SEMA5A: variants seen among roughly 807,000 people sequenced by gnomAD.
The protein encoded by SEMA5A is semaphorin-5A.
A neutral mutation model predicts 135.5 loss-of-function variants in SEMA5A; 55 were observed. That is an observed-to-expected ratio of 0.41 (90% confidence interval 0.33 to 0.51). The LOEUF (loss-of-function observed/expected upper bound fraction) is 0.51, where lower values mean the gene tolerates loss of function less well. Among genes scored for constraint, SEMA5A ranks in the 20% least tolerant of loss-of-function variants. SEMA5A has a pLI of 0.37. For missense variants in SEMA5A, 1,290 were observed against 1,419.9 expected (o/e 0.91, Z 1.47); for synonymous variants, 580 against 546.5 (o/e 1.06, Z -0.85).
rs1300063501 is a variant in SEMA5A at position 9,041,251 on chromosome 5, A to AGAT, written c.*1643_*1645dup. Reference sequence around the variant, plus strand: ...AATTGTTTCTTTAAATTAGAAACAAAGATAAGGGTAAAATCACATATGCTA... The same window carrying AGAT: ...AATTGTTTCTTTAAATTAGAAACAAAGATGATAAGGGTAAAATCACATATGCTA... On this transcript the variant is annotated 3_prime_UTR_variant, in exon 23 of 23. Transcript: ENST00000382496. 2 of 152,188 alleles carry AGAT rather than the reference A, an allele frequency of 1.3e-5. No individual in the cohort carries two copies. Among genetic ancestry groups the AGAT allele is most frequent in the African/African-American group, 4.8e-5 (2 of 41,410 alleles). 9.4% of individuals were successfully genotyped at this position (152,188 alleles called of 1,614,324 possible). A position where few individuals can be genotyped will look rare whatever the true frequency, so the allele number is the denominator to read the frequency against.
At chr5:9,044,748 C>T (rs545523901) in intron 21 of SEMA5A, among the ~76,000 whole-genome samples, 164 bp from the exon 22 acceptor site, 1 of 152,054 alleles carries the variant, frequency 6.6e-6, no homozygotes, top group Non-Finnish European at 1.5e-5. Context: ...AATGTCATGG[C>T]CATCAAGAAA....
At chr5:9,044,674 A>C in intron 21 of SEMA5A, 90 bp from the exon 22 acceptor site, 2 of 1,105,528 alleles carry the variant, frequency 1.8e-6, no homozygotes, top group Non-Finnish European at 2.7e-6. Flanking sequence ...GAAAGTCAAA[A>C]TGAAAAGCTT....
At chr5:9,236,809 T>C (rs1747938512) in intron 6 of SEMA5A, among the ~76,000 whole-genome samples, 1 of 152,130 alleles carries the variant, frequency 6.6e-6, no homozygotes, top group Non-Finnish European at 1.5e-5. Flanking sequence ...TCCTACTCCT[T>C]TATTCAGGGT....
chr5:9,381,942 T>TTGTGTGTGTG (rs148157627), intron 2 of SEMA5A, among the ~76,000 whole-genome samples: 13,785 of 108,382 alleles, frequency 0.13, 927 homozygotes, highest in Middle Eastern at 0.18. Flanking sequence ...TAGAATCATT[T>TTGTGTGTGTG]TGTGTGTGTG....
intron 16 of SEMA5A, among the ~76,000 whole-genome samples, chr5:9,085,419 C>T (rs982453849): frequency 1.3e-5 from 2 of 152,118 alleles, no homozygotes; most frequent in African/African-American, 4.8e-5. Flanking sequence ...TGTGTGCAGC[C>T]TAAGGACTCG....
chr5:9,154,091 A>ATGTGTGTGTGTGTG (rs1314653012), intron 12 of SEMA5A, among the ~76,000 whole-genome samples: 1 of 80,172 alleles, frequency 1.2e-5, no homozygotes, highest in African/African-American at 5.1e-5. Flanking sequence ...ATATATATAT[A>ATGTGTGTGTGTGTG]TATGTGTGTG....
intron 2 of SEMA5A, among the ~76,000 whole-genome samples, chr5:9,413,161 G>A (rs2126609511): frequency 6.6e-6 from 1 of 152,240 alleles, no homozygotes; most frequent in Admixed American, 6.5e-5. Flanking sequence ...AGGTCCTCAG[G>A]AAAACTGGAA....
intron 3 of SEMA5A, among the ~76,000 whole-genome samples, chr5:9,372,370 C>T (rs575045453): frequency 1.5e-4 from 23 of 152,126 alleles, no homozygotes; most frequent in South Asian, 2.1e-4. Context: ...GTGGGACACG[C>T]GTGGAGCCAT....
chr5:9,127,968 A>T (rs899565969), intron 13 of SEMA5A, among the ~76,000 whole-genome samples: 2 of 152,226 alleles, frequency 1.3e-5, no homozygotes, highest in Admixed American at 1.3e-4. Context: ...AATCACTCAG[A>T]GTTCCAGTCC....
Position 9,204,905 on chromosome 5 carries a change from T to C in SEMA5A, c.647-2665A>G, listed in dbSNP as rs1472763806. ...TACTGTGAACTGTGCATGTGAGGGA[T>C]CTAAGTTGTACACATCTTATGAGAA... On this transcript the variant is annotated intron_variant, in intron 8 of 22. Transcript: ENST00000382496. The surrounding 1 kb of genome is among the most constrained non-coding windows in gnomAD (Gnocchi z 6.4). 6.6e-6 allele frequency among the ~76,000 whole-genome samples: 1 copy of C among 152,156 alleles called. No homozygotes were observed. Among genetic ancestry groups the C allele is most frequent in the Non-Finnish European group, 1.5e-5 (1 of 68,028 alleles).
chr5:9,476,960 T>A (rs989594804), intron 1 of SEMA5A, among the ~76,000 whole-genome samples: 15 of 151,968 alleles, frequency 9.9e-5, no homozygotes, highest in Non-Finnish European at 1.6e-4. Context: ...ATGATTTGGC[T>A]CTGTATCCCT....
intron 5 of SEMA5A, among the ~76,000 whole-genome samples, chr5:9,295,217 G>A (rs527671823): frequency 6.6e-6 from 1 of 152,060 alleles, no homozygotes; most frequent in African/African-American, 2.4e-5. Flanking sequence ...AAGGATTTGG[G>A]GATTTCCATT....
chr5:9,438,069 A>C (rs1013040114), intron 1 of SEMA5A, among the ~76,000 whole-genome samples: 3 of 152,230 alleles, frequency 2.0e-5, no homozygotes, highest in Non-Finnish European at 4.4e-5. Context: ...TTTCTTCAGA[A>C]AAGGAGAAAT....
rs138116596 is a variant in SEMA5A, at chr5:9,153,145, C to G, written c.1481+1343G>C. 3.4e-3 allele frequency among the ~76,000 whole-genome samples: 518 copies of G among 151,656 alleles called. 4 individuals are homozygous for G. Among genetic ancestry groups the G allele is most frequent in the African/African-American group, 0.012 (480 of 41,294 alleles). Reference sequence around the variant, plus strand: ...GAGTTCCAAAGCCAGTGTAACTTGGCACCTTGTTTAGAGAGAGAGTGGCCT... The same window carrying G: ...GAGTTCCAAAGCCAGTGTAACTTGGGACCTTGTTTAGAGAGAGAGTGGCCT... On this transcript the variant is annotated intron_variant, in intron 12 of 22. Transcript: ENST00000382496.
intron 1 of SEMA5A, among the ~76,000 whole-genome samples, chr5:9,524,207 A>G (rs1736995370): frequency 6.6e-6 from 1 of 152,198 alleles, no homozygotes; most frequent in African/African-American, 2.4e-5. Flanking sequence ...ACCTTCTGCC[A>G]TGACTGTAAG....
chr5:9,246,022 A>G (rs1330336928), intron 5 of SEMA5A, among the ~76,000 whole-genome samples: 1 of 152,194 alleles, frequency 6.6e-6, no homozygotes, highest in Admixed American at 6.6e-5. Flanking sequence ...CAAGGACATT[A>G]TAATATCTGG....
chr5:9,399,540 C>G (rs1477065360), intron 2 of SEMA5A, among the ~76,000 whole-genome samples: 2 of 152,060 alleles, frequency 1.3e-5, no homozygotes, highest in African/African-American at 2.4e-5. Flanking sequence ...ATTTAGATAA[C>G]AGTGGTGGTT....
At chr5:9,529,791 G>C (rs1010188083) in intron 1 of SEMA5A, among the ~76,000 whole-genome samples, 1 of 152,200 alleles carries the variant, frequency 6.6e-6, no homozygotes, top group African/African-American at 2.4e-5. Flanking sequence ...CAAGAAGAGG[G>C]TGGGGGTAGG....
intron 8 of SEMA5A, among the ~76,000 whole-genome samples, chr5:9,220,177 G>A (rs960976097): frequency 6.6e-6 from 1 of 152,162 alleles, no homozygotes; most frequent in Admixed American, 6.5e-5. Context: ...GCATAAGAAT[G>A]ATACAATGGT....
Sources: gnomAD v4.1 joint callset for allele counts (sites outside exome capture counted in the v4.1 genomes callset) on GRCh38, gnomAD v4.1.1 for gene constraint, Gnocchi (gnomAD v3.1) non-coding constraint, MANE v1.5 for transcripts, NCBI Gene and HGNC (gene_info 2026-07-23, HGNC 2026-07-21) for gene names.